BEND5: variants seen among roughly 807,000 people sequenced by gnomAD.
BEND5 encodes BEN domain containing 5.
BEND5 carries 22 observed loss-of-function variants against 43.9 expected under a neutral mutation model. The ratio of observed to expected loss-of-function variants is 0.50; its 90% CI spans 0.36 to 0.72. BEND5 has a LOEUF of 0.72. BEND5 is among the 30% of genes least tolerant of loss of function. BEND5 has a pLI of 0.00. For missense variants in BEND5, 428 were observed against 550.6 expected, an observed-to-expected ratio of 0.78 and a Z score of 2.23; for synonymous variants, 228 against 225.9, an observed-to-expected ratio of 1.01 and a Z score of -0.08.
intron 3 of BEND5, among the ~76,000 whole-genome samples, chr1:48,756,774 G>A (rs1643952948): frequency 6.6e-6 from 1 of 152,238 alleles, no homozygotes; most frequent in African/African-American, 2.4e-5. Context: ...GAGAGACAGT[G>A]GGTGTGATTT....
chr1:48,761,529 T>A, intron 1 of BEND5, 59 bp from the exon 2 acceptor site: 1 of 1,492,254 alleles, frequency 6.7e-7, no homozygotes, highest in Non-Finnish European at 9.0e-7. Flanking sequence ...CATTATGAGT[T>A]TAGAATGCCC....
chr1:48,745,859 C>T (rs1453381916), intron 3 of BEND5, among the ~76,000 whole-genome samples: 2 of 152,114 alleles, frequency 1.3e-5, no homozygotes, highest in East Asian at 3.9e-4. Context: ...TCTCCCCACC[C>T]CTCTGCCCCT....
In BEND5 at chr1:48,742,618, A is replaced by G; in HGVS notation, c.894+5T>C. The G allele has an allele frequency of 6.5e-7, 1 of 1,547,422 alleles. No homozygotes were observed. ...AGGGAATGGATATTGAGCTTAAAAC[A>G]CTACCTTGCCATTGTCTAGGATATA... On this transcript the variant is annotated splice_donor_5th_base_variant and intron_variant, in intron 4 of 5. Transcript: ENST00000371833.
chr1:48,749,431 G>A (rs1175993410), intron 3 of BEND5, among the ~76,000 whole-genome samples: 2 of 152,108 alleles, frequency 1.3e-5, no homozygotes, highest in Non-Finnish European at 2.9e-5. Context: ...CTACAAAATC[G>A]ATCTTATTAT....
At chr1:48,733,690 T>C (rs1199142583) in intron 5 of BEND5, among the ~76,000 whole-genome samples, 1 of 152,196 alleles carries the variant, frequency 6.6e-6, no homozygotes, top group Non-Finnish European at 1.5e-5. Context: ...CAGCCCTGAC[T>C]ATCTTACGAG....
At chr1:48,746,101 CTTG>C (rs1248558206) in intron 3 of BEND5, among the ~76,000 whole-genome samples, 3 of 152,136 alleles carry the variant, frequency 2.0e-5, no homozygotes, top group Admixed American at 6.5e-5. Flanking sequence ...CCTCTCTGAT[CTTG>C]TTGTGTCACC....
chr1:48,745,799 C>T (rs1038617230), intron 3 of BEND5, among the ~76,000 whole-genome samples: 4 of 152,288 alleles, frequency 2.6e-5, no homozygotes, highest in Non-Finnish European at 5.9e-5. Flanking sequence ...TTGCCACTTA[C>T]TGTTTAGTTG....
intron 1 of BEND5, among the ~76,000 whole-genome samples, chr1:48,765,448 C>A (rs1644482878): frequency 6.6e-6 from 1 of 152,202 alleles, no homozygotes; most frequent in South Asian, 2.1e-4. Context: ...GATATTGGAA[C>A]TCTCATACAT....
At position 48,776,718 on chromosome 1, in the gene BEND5, G is replaced by T; in HGVS notation, c.114C>A (p.Tyr38Ter). 6.5e-7 allele frequency: 1 copy of T among 1,527,552 alleles called. No homozygotes were observed. The highest frequency in any genetic ancestry group is 8.8e-7 in the Non-Finnish European group (1 of 1,137,882). The allele number at this position is 1,527,552 out of a possible 1,614,324, so 94.6% of individuals were successfully genotyped here. ...SRLDFDNQKV[Y>*]AVYRGPEELG... ...ATTCCTCCGGGCCCCGGTACACGGC[G>T]TACACCTTCTGGTTGTCAAAATCCA... Residue 38 changes from tyrosine (Y) to a stop codon, truncating the protein, a stop_gained, in exon 1 of 6, where the codon TAC becomes TAA. Coordinates refer to ENST00000371833, the MANE Select transcript of BEND5 (RefSeq NM_024603.4). LOFTEE classifies it high-confidence loss of function.
intron 5 of BEND5, among the ~76,000 whole-genome samples, chr1:48,734,356 C>T (rs558408662): frequency 1.3e-5 from 2 of 152,290 alleles, no homozygotes; most frequent in African/African-American, 4.8e-5. Context: ...ATACACCCTA[C>T]ACTTGGGCAT....
intron 3 of BEND5, among the ~76,000 whole-genome samples, chr1:48,757,471 A>G (rs912731301): frequency 6.6e-6 from 1 of 152,218 alleles, no homozygotes; most frequent in African/African-American, 2.4e-5. Context: ...GGCCAAGGCA[A>G]TGGTAGAGTT....
chr1:48,742,727 G>A lies in BEND5; in HGVS notation c.790C>T (p.Pro264Ser). ...LEKVKSECLE[P>S]EPELRSTFSE... ...AAAGTGCTCCGTAACTCCGGCTCGG[G>A]CTCGAGACATTCTGACTTTACTTTT... Residue 264 changes from proline to serine, a missense_variant, in exon 4 of 6, where the codon CCC becomes TCC. Transcript: ENST00000371833. 1 of 1,608,660 alleles carries A rather than the reference G, an allele frequency of 6.2e-7. No homozygotes were observed. Among genetic ancestry groups the A allele is most frequent in the Non-Finnish European group, 8.5e-7 (1 of 1,177,258 alleles).
At position 48,759,419 on chromosome 1, in the gene BEND5, CTTAG is replaced by C. The variant is rs1251492423; in HGVS notation, c.361-139_361-136del. 1.5e-5 allele frequency: 21 copies of C among 1,375,564 alleles called. 1 individual carries two copies. The African/African-American group carries it at 2.2e-4, about 14-fold the overall frequency. The allele number at this position is 1,375,564 out of a possible 1,614,324, so 85.2% of individuals were successfully genotyped here. On this transcript the variant is annotated intron_variant, in intron 2 of 5. Coordinates refer to ENST00000371833, the MANE Select transcript of BEND5 (RefSeq NM_024603.4). ...GTGCTTGGAGAAACCTGTGCAAACA[CTTAG>C]TCAAAGCCCTTCATTTTATAAATGG...
chr1:48,769,376 G>A (rs1485781205), intron 1 of BEND5, among the ~76,000 whole-genome samples: 1 of 152,054 alleles, frequency 6.6e-6, no homozygotes, highest in East Asian at 1.9e-4. Flanking sequence ...TCATTCTATG[G>A]AGCCATTTGT....
At chr1:48,734,861 GA>G (rs1411583865) in intron 5 of BEND5, among the ~76,000 whole-genome samples, 1 of 152,216 alleles carries the variant, frequency 6.6e-6, no homozygotes, top group African/African-American at 2.4e-5. Context: ...AGAGTCTGCT[GA>G]AAACATATGT....
chr1:48,733,949 G>C lies in BEND5; in HGVS notation c.1108+2290C>G, dbSNP rs552817530. On this transcript the variant is annotated intron_variant, in intron 5 of 5. Transcript: ENST00000371833. Reference sequence around the variant, plus strand: ...CACACAGCAGATGATTTTATACCATGTGATAATGGCAGGAATAGACAGTTA... The same window carrying C: ...CACACAGCAGATGATTTTATACCATCTGATAATGGCAGGAATAGACAGTTA... Among the ~76,000 whole-genome samples the C allele has an allele frequency of 2.6e-5, 4 of 152,278 alleles. No homozygotes were observed. The South Asian group carries it at 8.3e-4, about 32-fold the overall frequency.
chr1:48,738,736 T>C (rs1649456316), intron 4 of BEND5, among the ~76,000 whole-genome samples: 1 of 152,174 alleles, frequency 6.6e-6, no homozygotes, highest in Non-Finnish European at 1.5e-5. Flanking sequence ...ATCTTTTAAT[T>C]TGTTATTCTT....
intron 5 of BEND5, among the ~76,000 whole-genome samples, chr1:48,735,612 C>A (rs1648915018): frequency 6.6e-6 from 1 of 152,006 alleles, no homozygotes; most frequent in African/African-American, 2.4e-5. Context: ...TTTAGGGAGA[C>A]AAATGACTCC....
chr1:48,762,217 G>A (rs568938508), intron 1 of BEND5, among the ~76,000 whole-genome samples: 1 of 152,204 alleles, frequency 6.6e-6, no homozygotes, highest in South Asian at 2.1e-4. Flanking sequence ...GCTTACGTGT[G>A]CTCACGACAC....
Sources: gnomAD v4.1 joint callset for allele counts (sites outside exome capture counted in the v4.1 genomes callset) on GRCh38, gnomAD v4.1.1 for gene constraint, MANE v1.5 for transcripts, NCBI Gene and HGNC (gene_info 2026-07-23, HGNC 2026-07-21) for gene names.